Variants in ZER1 observed in about 807,000 individuals in gnomAD.
ZER1 encodes zyg-11 related cell cycle regulator, also known as protein zer-1 homolog.
A neutral mutation model predicts 78.8 loss-of-function variants in ZER1; 11 were observed. The ratio of observed to expected loss-of-function variants is 0.14; its 90% CI spans 0.09 to 0.23. ZER1 has a LOEUF of 0.23. Ranked by LOEUF, ZER1 falls within the 10% of genes least tolerant of loss-of-function variation. The pLI, the probability that ZER1 is intolerant of heterozygous loss-of-function variation, is 1.00. For synonymous variants in ZER1, 400 were observed against 407.0 expected (o/e 0.98, Z 0.21); for missense variants, 588 against 996.9 (o/e 0.59, Z 5.52).
At chr9:128,734,301 A>G (rs1421950931) in intron 14 of ZER1, among the ~76,000 whole-genome samples, 1 of 146,054 alleles carries the variant, frequency 6.8e-6, no homozygotes, top group East Asian at 2.1e-4. Flanking sequence ...GGTTCAAACG[A>G]TTATTTTGTC....
chr9:128,758,305 T>C (rs2132464775), intron 1 of ZER1, among the ~76,000 whole-genome samples: 1 of 152,106 alleles, frequency 6.6e-6, no homozygotes, highest in Non-Finnish European at 1.5e-5. Context: ...TTTTTTTCTT[T>C]TAGTAGAGAC....
intron 14 of ZER1, among the ~76,000 whole-genome samples, chr9:128,733,824 T>A: frequency 6.9e-6 from 1 of 145,616 alleles, no homozygotes; most frequent in Non-Finnish European, 1.5e-5. Context: ...ATAAAATATA[T>A]AATCTTAAAA....
In ZER1 at chr9:128,741,644, A is replaced by G; in HGVS notation, c.1628T>C (p.Val543Ala). 6.2e-7 allele frequency: 1 copy of G among 1,614,056 alleles called. No homozygotes were observed. The highest frequency in any genetic ancestry group is 8.5e-7 in the Non-Finnish European group (1 of 1,179,984). ...CAGGGCACTCCAGGAGAACTCCATG[A>G]CCTGGTCACACTGTGAGGGCAGGGC... ...KKLLDKTCDQ[V>A]MEFSWSALWN... Residue 543 changes from valine to alanine, a missense_variant, in exon 11 of 16, where the codon GTC becomes GCC. Coordinates refer to ENST00000291900, the MANE Select transcript of ZER1 (RefSeq NM_006336.4).
Position 128,758,100 on chromosome 9 carries a change from T to A in ZER1, c.-94-2441A>T, listed in dbSNP as rs528803643. Among the ~76,000 whole-genome samples, 51 of 151,800 alleles carry A rather than the reference T, an allele frequency of 3.4e-4. No homozygotes were observed. The South Asian group carries it at 4.6e-3, about 14-fold the overall frequency. ...CTTGGATAAGGCTTACAATGTTTTT[T>A]TTTTTTAATTTTTAGTTTAGGTTTT... On this transcript the variant is annotated intron_variant, in intron 1 of 15. Transcript: ENST00000291900.
intron 9 of ZER1, 82 bp from the exon 10 acceptor site, chr9:128,741,923 C>A: frequency 1.3e-6 from 2 of 1,565,538 alleles, no homozygotes; most frequent in Non-Finnish European, 1.8e-6. Flanking sequence ...AGGGGAGGCT[C>A]AGCAACGCCA....
At chr9:128,743,123 CTT>C (rs557303084) in intron 8 of ZER1, among the ~76,000 whole-genome samples, 3 of 146,020 alleles carry the variant, frequency 2.1e-5, no homozygotes, top group Non-Finnish European at 1.5e-5. Context: ...CTTTTTCTTT[CTT>C]TTTTTTTTTT....
intron 1 of ZER1, among the ~76,000 whole-genome samples, chr9:128,759,659 G>A (rs1227038719): frequency 6.6e-6 from 1 of 151,932 alleles, no homozygotes; most frequent in African/African-American, 2.4e-5. Flanking sequence ...GCCGGGCGTG[G>A]TGGCACGCAC....
Position 128,753,570 on chromosome 9 carries a change from C to G in ZER1, c.340G>C (p.Glu114Gln). 1 of 1,613,848 alleles carries G rather than the reference C, an allele frequency of 6.2e-7. No individual in the cohort carries two copies. Among genetic ancestry groups the G allele is most frequent in the East Asian group, 2.2e-5 (1 of 44,880 alleles). Residue 114 changes from glutamate (E) to glutamine (Q), a missense_variant, in exon 4 of 16, where the codon GAG becomes CAG. Around this residue, in one of 3 missense-constraint regions of ZER1, gnomAD observed 406 missense variants for 660.1 expected, o/e 0.62. Coordinates refer to ENST00000291900, the MANE Select transcript of ZER1 (RefSeq NM_006336.4). This position sits in a 1 kb window ranked among gnomAD's most constrained non-coding sequence, Gnocchi z 7.5. ...TGCAGGCTCTTGGCGGACAGCTTCT[C>G]GCAGTTAGTCAGGTACAGCTCCACC... is the stretch of plus-strand genomic sequence containing the variant. Reference protein sequence around the residue: ...DLVELYLTNCEKLSAKSLQTL... With the variant: ...DLVELYLTNCQKLSAKSLQTL...
chr9:128,762,473 A>T (rs765845535), intron 1 of ZER1, among the ~76,000 whole-genome samples: 23 of 152,180 alleles, frequency 1.5e-4, no homozygotes, highest in Non-Finnish European at 4.4e-5. Context: ...TCACGAGGAG[A>T]CAAACTTGGG....
Position 128,751,079 on chromosome 9 carries a change from G to T in ZER1, c.1185+43C>A, listed in dbSNP as rs756468778. ...CTCAGCCAAGCCCGGCAACCTCCAG[G>T]TGGGGAGGGACAGGAGGCCAAGGCC... On this transcript the variant is annotated intron_variant, in intron 7 of 15. Coordinates refer to ENST00000291900, the MANE Select transcript of ZER1 (RefSeq NM_006336.4). This position sits in a 1 kb window ranked among gnomAD's most constrained non-coding sequence, Gnocchi z 5.4. 3.2e-6 allele frequency: 5 copies of T among 1,551,214 alleles called. No homozygotes were observed. The highest frequency in any genetic ancestry group is 4.4e-6 in the Non-Finnish European group (5 of 1,144,526).
chr9:128,746,079 A>G (rs1863478788), intron 8 of ZER1: 1 of 152,076 alleles, frequency 6.6e-6, no homozygotes, highest in Non-Finnish European at 1.5e-5. Flanking sequence ...GCCTCAAGTG[A>G]TCCATCTGCC....
chr9:128,770,214 C>T (rs1313741870), intron 1 of ZER1, among the ~76,000 whole-genome samples: 2 of 152,160 alleles, frequency 1.3e-5, no homozygotes, highest in African/African-American at 4.8e-5. Context: ...ACCTCCACCT[C>T]TCAGGTTCAA....
intron 1 of ZER1, among the ~76,000 whole-genome samples, chr9:128,756,151 T>C (rs576517092): frequency 1.3e-5 from 2 of 152,166 alleles, no homozygotes; most frequent in African/African-American, 2.4e-5. Context: ...TATGTCCACA[T>C]AGAAACTCAG....
intron 1 of ZER1, among the ~76,000 whole-genome samples, chr9:128,768,425 G>A (rs921501902): frequency 6.6e-6 from 1 of 152,164 alleles, no homozygotes; most frequent in African/African-American, 2.4e-5. Flanking sequence ...AGCCTTTAGA[G>A]TTAGTCGGAG....
At chr9:128,760,620 C>T (rs968911361) in intron 1 of ZER1, among the ~76,000 whole-genome samples, 9 of 152,010 alleles carry the variant, frequency 5.9e-5, no homozygotes, top group East Asian at 5.8e-4. Context: ...AGTGAAACCC[C>T]GTCTCTACCA....
intron 8 of ZER1, among the ~76,000 whole-genome samples, chr9:128,744,473 C>T (rs1345345353): frequency 1.3e-5 from 2 of 149,000 alleles, no homozygotes; most frequent in Non-Finnish European, 3.0e-5. Flanking sequence ...TGTGAGCCAC[C>T]GTGCAGGGCC....
chr9:128,751,051 C>A lies in ZER1; in HGVS notation c.1185+71G>T, dbSNP rs563594786. The A allele has an allele frequency of 1.3e-6, 2 of 1,518,566 alleles. No individual in the cohort carries two copies. The highest frequency in any genetic ancestry group is 1.4e-5 in the African/African-American group (1 of 72,740). 94.1% of individuals were successfully genotyped at this position (1,518,566 alleles called of 1,614,324 possible). ...CAGAAGGACACAGGCTCTGGGGACA[C>A]GGCTCAGCCAAGCCCGGCAACCTCC... is the stretch of plus-strand genomic sequence containing the variant. On this transcript the variant is annotated intron_variant, in intron 7 of 15. Transcript: ENST00000291900. This position sits in a 1 kb window ranked among gnomAD's most constrained non-coding sequence, Gnocchi z 5.4.
chr9:128,769,228 C>T (rs1407372519), intron 1 of ZER1, among the ~76,000 whole-genome samples: 1 of 152,170 alleles, frequency 6.6e-6, no homozygotes, highest in Admixed American at 6.6e-5. Context: ...GCTGGTGACA[C>T]CACCAGCTAG....
intron 1 of ZER1, among the ~76,000 whole-genome samples, chr9:128,761,603 G>GTTT (rs1180495331): frequency 9.3e-5 from 10 of 107,360 alleles, no homozygotes; most frequent in East Asian, 2.8e-4. Flanking sequence ...CCCATAATTT[G>GTTT]TTTTTTTTTT....
Sources: allele counts gnomAD v4.1 joint callset (sites outside exome capture counted in the v4.1 genomes callset), GRCh38; gene constraint gnomAD v4.1.1; regional missense constraint gnomAD v4.1.1; non-coding constraint Gnocchi (gnomAD v3.1); transcripts MANE v1.5; gene names NCBI Gene and HGNC (gene_info 2026-07-23, HGNC 2026-07-21).